The following NRXN1 variants were observed in gnomAD, a reference collection of about 807,000 sequenced individuals.
NRXN1 encodes neurexin-1.
NRXN1 carries 39 observed loss-of-function variants against 150.9 expected under a neutral mutation model. The ratio of observed to expected loss-of-function variants is 0.26; its 90% confidence interval spans 0.20 to 0.34. NRXN1 has a LOEUF of 0.34. Ranked by LOEUF, NRXN1 falls within the 10% of genes least tolerant of loss-of-function variation. NRXN1 has a pLI of 1.00. For missense variants in NRXN1, 1,815 were observed against 1,949.9 expected (o/e 0.93, Z 1.30); for synonymous variants, 924 against 757.0 (o/e 1.22, Z -3.62).
chr2:50,858,872 A>G (rs1477219287), intron 5 of NRXN1, among the ~76,000 whole-genome samples: 1 of 152,076 alleles, frequency 6.6e-6, no homozygotes, highest in Non-Finnish European at 1.5e-5. Context: ...GGGCCCAGAA[A>G]GTGGCCATCA....
chr2:50,761,306 G>A (rs967452025), intron 5 of NRXN1, among the ~76,000 whole-genome samples: 29 of 151,838 alleles, frequency 1.9e-4, no homozygotes, highest in Non-Finnish European at 2.9e-5. Flanking sequence ...TAATCCTCAT[G>A]AGTGGTGGGA....
intron 5 of NRXN1, among the ~76,000 whole-genome samples, chr2:50,819,644 C>A (rs544841316): frequency 6.6e-6 from 1 of 151,934 alleles, no homozygotes; most frequent in Non-Finnish European, 1.5e-5. Context: ...TAGAGTCCTG[C>A]ACACTTAGCA....
At chr2:50,968,715 C>G (rs1161719626) in intron 2 of NRXN1, among the ~76,000 whole-genome samples, 1 of 151,912 alleles carries the variant, frequency 6.6e-6, no homozygotes, top group Non-Finnish European at 1.5e-5. Flanking sequence ...CGTTTATTTG[C>G]TCCTCTTCAA....
chr2:50,697,783 CTT>C (rs1197401789), intron 5 of NRXN1, among the ~76,000 whole-genome samples: 1 of 152,152 alleles, frequency 6.6e-6, no homozygotes, highest in Non-Finnish European at 1.5e-5. Context: ...CTGCCCACAT[CTT>C]TGTTTCATTT....
intron 15 of NRXN1, among the ~76,000 whole-genome samples, chr2:50,487,601 C>T (rs1362299269): frequency 1.3e-5 from 2 of 152,174 alleles, no homozygotes; most frequent in East Asian, 1.9e-4. Flanking sequence ...GTTTTAAGCC[C>T]ACCCAACTTT....
intron 2 of NRXN1, among the ~76,000 whole-genome samples, chr2:51,009,949 T>G (rs2105178645): frequency 6.6e-6 from 1 of 152,080 alleles, no homozygotes; most frequent in South Asian, 2.1e-4. Context: ...ATCCTTAGAA[T>G]TATACAAACT....
At chr2:50,028,797 A>T (rs991466231) in intron 21 of NRXN1, among the ~76,000 whole-genome samples, 1 of 152,204 alleles carries the variant, frequency 6.6e-6, no homozygotes, top group Non-Finnish European at 1.5e-5. Context: ...TATCCCAGAA[A>T]CCTAGTTGCT....
At chr2:51,021,936 C>T (rs1029205496) in intron 2 of NRXN1, among the ~76,000 whole-genome samples, 3 of 151,952 alleles carry the variant, frequency 2.0e-5, no homozygotes, top group Admixed American at 2.0e-4. Context: ...TGCTAAATCA[C>T]AAAATTCTCA....
intron 5 of NRXN1, among the ~76,000 whole-genome samples, chr2:50,794,192 C>T (rs1346987157): frequency 6.6e-6 from 1 of 151,988 alleles, no homozygotes; most frequent in Non-Finnish European, 1.5e-5. Flanking sequence ...TTGTTACATC[C>T]GACTGAAACA....
At chr2:50,877,533 T>G (rs1377897686) in intron 5 of NRXN1, among the ~76,000 whole-genome samples, 1 of 151,964 alleles carries the variant, frequency 6.6e-6, no homozygotes, top group Non-Finnish European at 1.5e-5. Flanking sequence ...CTTTGAGTTC[T>G]TTATGCTTTA....
intron 13 of NRXN1, among the ~76,000 whole-genome samples, chr2:50,498,624 T>C (rs1474101341): frequency 6.6e-6 from 1 of 152,270 alleles, no homozygotes; most frequent in South Asian, 2.1e-4. Context: ...ATAGCAAACT[T>C]AGTCCCATCT....
chr2:51,028,147 A>G lies in NRXN1; in HGVS notation c.127T>C (p.Phe43Leu), dbSNP rs1216338017. Residue 43 changes from phenylalanine to leucine, a missense_variant, in exon 2 of 23, where the codon TTC becomes CTC. By Grantham distance (22) the Phe-to-Leu change is conservative. Around this residue, in one of 6 missense-constraint regions of NRXN1, gnomAD observed 554 missense variants for 478.8 expected, o/e 1.16. Coordinates refer to ENST00000401669, the MANE Select transcript of NRXN1 (RefSeq NM_001330078.2). ...FPGAEGQWTR[F>L]PKWNACCESE... The stretch of plus-strand genomic sequence containing the variant: ...TCGCAGCAGGCGTTCCACTTGGGGA[A>G]GCGCGTCCATTGGCCCTCGGCGCCC... 1 of 1,547,852 alleles carries G rather than the reference A, an allele frequency of 6.5e-7. No homozygotes were observed. The highest frequency in any genetic ancestry group is 2.3e-5 in the East Asian group (1 of 42,776).
At chr2:50,000,336 G>T (rs905280518) in intron 21 of NRXN1, among the ~76,000 whole-genome samples, 7 of 152,094 alleles carry the variant, frequency 4.6e-5, no homozygotes, top group African/African-American at 1.7e-4. Context: ...GTAATAAAAA[G>T]AAATGGAAAT....
intron 17 of NRXN1, among the ~76,000 whole-genome samples, chr2:50,257,652 C>A (rs544139528): frequency 9.2e-5 from 14 of 151,838 alleles, no homozygotes; most frequent in Non-Finnish European, 1.5e-4. Context: ...TTTTTCTGTA[C>A]TATACATATA....
chr2:51,004,273 T>C (rs766214005), intron 2 of NRXN1, among the ~76,000 whole-genome samples: 5 of 151,772 alleles, frequency 3.3e-5, no homozygotes, highest in Non-Finnish European at 7.4e-5. Context: ...GGTGAGAAAA[T>C]AAAGAAAATG....
At chr2:50,954,486 G>T (rs1691940971) in intron 2 of NRXN1, among the ~76,000 whole-genome samples, 1 of 152,180 alleles carries the variant, frequency 6.6e-6, no homozygotes, top group Non-Finnish European at 1.5e-5. Flanking sequence ...GGGCAGAACA[G>T]GGACATGCAG....
intron 21 of NRXN1, among the ~76,000 whole-genome samples, chr2:50,029,880 T>C (rs1203408982): frequency 1.3e-5 from 2 of 152,070 alleles, no homozygotes; most frequent in East Asian, 3.9e-4. Flanking sequence ...TATAAGAATA[T>C]CTATCTACCT....
intron 5 of NRXN1, among the ~76,000 whole-genome samples, chr2:50,908,961 GAAAT>G (rs1479780908): frequency 6.6e-6 from 1 of 151,920 alleles, no homozygotes; most frequent in Non-Finnish European, 1.5e-5. Flanking sequence ...AGAACTATAA[GAAAT>G]AAACTTATTT....
At chr2:49,980,774 T>A (rs1648876805) in intron 21 of NRXN1, among the ~76,000 whole-genome samples, 2 of 152,090 alleles carry the variant, frequency 1.3e-5, no homozygotes, top group Admixed American at 1.3e-4. Context: ...GGCAATGTCA[T>A]TTTGTATATG....
Sources: allele counts gnomAD v4.1 joint callset (sites outside exome capture counted in the v4.1 genomes callset), GRCh38; gene constraint gnomAD v4.1.1; regional missense constraint gnomAD v4.1.1; transcripts MANE v1.5; gene names NCBI Gene and HGNC (gene_info 2026-07-23, HGNC 2026-07-21).